UBAP1: variants seen among roughly 807,000 people sequenced by gnomAD.
UBAP1 encodes ubiquitin-associated protein 1.
In UBAP1, 5 loss-of-function variants were observed where a neutral mutation model predicts 39.0. The ratio of observed to expected loss-of-function variants is 0.13; its 90% confidence interval spans 0.07 to 0.27. UBAP1 has a LOEUF of 0.27. Among genes scored for constraint, UBAP1 ranks in the 10% least tolerant of loss-of-function variants. The pLI is 1.00. For missense variants in UBAP1, 490 were observed against 608.1 expected (o/e 0.81, Z 2.04); for synonymous variants, 211 against 225.1 (o/e 0.94, Z 0.56).
chr9:34,196,133 TTTTA>T (rs571397744), intron 1 of UBAP1, among the ~76,000 whole-genome samples: 3 of 150,562 alleles, frequency 2.0e-5, no homozygotes, highest in African/African-American at 2.4e-5. Flanking sequence ...GCTGCTGGCT[TTTTA>T]TTTATTTATT....
At chr9:34,224,155 T>C (rs1272895277) in intron 2 of UBAP1, 3 of 666,814 alleles carry the variant, frequency 4.5e-6, no homozygotes, top group Non-Finnish European at 7.4e-6. Flanking sequence ...CCTTTTTTTT[T>C]CCTTTCATCG....
chr9:34,251,564 C>T lies in UBAP1; in HGVS notation c.*32C>T, dbSNP rs1323644412. On this transcript the variant is annotated 3_prime_UTR_variant, in exon 7 of 7. Transcript: ENST00000297661. ...GCCCTGCCTAGGCCCTGCCGCAGAA[C>T]CACCATCCCTGGGAGGCCCTGCAGA... 6.2e-7 allele frequency: 1 copy of T among 1,607,910 alleles called. No individual in the cohort carries two copies. The highest frequency in any genetic ancestry group is 8.5e-7 in the Non-Finnish European group (1 of 1,177,278).
chr9:34,215,617 C>T (rs144537135), intron 1 of UBAP1, among the ~76,000 whole-genome samples: 1,605 of 151,892 alleles, frequency 0.011, 25 homozygotes, highest in African/African-American at 0.036. Context: ...ACCGAAATCT[C>T]ACAAATCACC....
At chr9:34,231,127 A>ATGTGTGGTGTGTG (rs1410985520) in intron 2 of UBAP1, among the ~76,000 whole-genome samples, 12 of 137,026 alleles carry the variant, frequency 8.8e-5, no homozygotes, top group African/African-American at 2.8e-4. Flanking sequence ...TAAAAAAATT[A>ATGTGTGGTGTGTG]TGTGTGTGTG....
At chr9:34,224,462 C>T (rs1335394874) in intron 2 of UBAP1, 17 of 388,664 alleles carry the variant, frequency 4.4e-5, no homozygotes, top group South Asian at 2.8e-4. Context: ...CCTTAGGGCA[C>T]GGTATTTCTT....
intron 1 of UBAP1, among the ~76,000 whole-genome samples, chr9:34,185,778 G>A (rs745951853): frequency 6.6e-6 from 1 of 151,352 alleles, no homozygotes; most frequent in African/African-American, 2.4e-5. Flanking sequence ...CCTGGGAGGC[G>A]GTGGTGGCAG....
chr9:34,224,190 AT>A, intron 2 of UBAP1: 4 of 546,630 alleles, frequency 7.3e-6, no homozygotes, highest in Non-Finnish European at 1.3e-5. Flanking sequence ...TTTTTAGATC[AT>A]TTTTTGTTTA....
intron 1 of UBAP1, among the ~76,000 whole-genome samples, chr9:34,216,499 A>T (rs1832324082): frequency 6.6e-6 from 1 of 151,358 alleles, no homozygotes; most frequent in African/African-American, 2.4e-5. Context: ...TTTATTTTAA[A>T]TTTTTTTTAG....
At chr9:34,207,660 T>TA (rs1831787344) in intron 1 of UBAP1, among the ~76,000 whole-genome samples, 1 of 131,902 alleles carries the variant, frequency 7.6e-6, no homozygotes, top group Non-Finnish European at 1.8e-5. Flanking sequence ...TTTATTTATT[T>TA]CTTTTTTTTT....
intron 1 of UBAP1, among the ~76,000 whole-genome samples, chr9:34,198,499 A>C (rs1269833001): frequency 6.6e-6 from 1 of 152,142 alleles, no homozygotes; most frequent in African/African-American, 2.4e-5. Context: ...GTCAGACTGG[A>C]TCACTGGCAC....
At chr9:34,179,921 C>T (rs1232106499) in intron 1 of UBAP1, among the ~76,000 whole-genome samples, 1 of 152,126 alleles carries the variant, frequency 6.6e-6, no homozygotes, top group South Asian at 2.1e-4. Flanking sequence ...AGACTAGCGT[C>T]TTAAAAGTAT....
rs148974583 is a variant in UBAP1 at position 34,241,412 on chromosome 9, C to A, written c.387C>A (p.Ile129=). Residue 129 remains isoleucine, a synonymous_variant, in exon 4 of 7, where the codon ATC becomes ATA. Coordinates refer to ENST00000297661, the MANE Select transcript of UBAP1 (RefSeq NM_016525.5). ...TCGCCAGCTTGCAGCACAACAGCAT[C>A]CTCACACCAACTCGGGTCAGCAGTA... ...PILASLQHNS[I]LTPTRVSSSA... is the part of the protein sequence containing the mutation. The A allele has an allele frequency of 4.4e-6, 7 of 1,582,576 alleles. No individual in the cohort carries two copies. Among genetic ancestry groups the A allele is most frequent in the Middle Eastern group, 1.7e-4 (1 of 5,898 alleles).
rs985187281 is a variant in UBAP1 at position 34,250,966 on chromosome 9, G to C, written c.1368+207G>C. 3 of 573,534 alleles carry C rather than the reference G, an allele frequency of 5.2e-6. No homozygotes were observed. In the African/African-American group the frequency reaches 5.6e-5, roughly 11 times the overall value. The allele number at this position is 573,534 out of a possible 1,614,324, so 35.5% of individuals were successfully genotyped here. On this transcript the variant is annotated intron_variant, in intron 6 of 6. Coordinates refer to ENST00000297661, the MANE Select transcript of UBAP1 (RefSeq NM_016525.5). ...TTGAAGCATTGGGTTGAAAACTTCA[G>C]AATCCCAGTGAAGGGAAGGGAATAT... is the stretch of plus-strand genomic sequence containing the variant.
intron 6 of UBAP1, among the ~76,000 whole-genome samples, chr9:34,251,038 T>A (rs973100091): frequency 3.3e-5 from 5 of 152,156 alleles, no homozygotes; most frequent in African/African-American, 1.2e-4. Context: ...GGGAGGGAGA[T>A]TGCTGGACTT....
chr9:34,219,213 C>G (rs899374901), intron 1 of UBAP1, among the ~76,000 whole-genome samples: 1 of 151,990 alleles, frequency 6.6e-6, no homozygotes, highest in Non-Finnish European at 1.5e-5. Flanking sequence ...CTCAGCCTCC[C>G]GAGTAGCAGG....
intron 1 of UBAP1, among the ~76,000 whole-genome samples, chr9:34,184,858 G>A (rs1427925298): frequency 2.7e-5 from 4 of 150,870 alleles, no homozygotes; most frequent in African/African-American, 9.7e-5. Flanking sequence ...TCTTGACCTC[G>A]TGATCCTCCC....
At chr9:34,230,230 A>T (rs900035003) in intron 2 of UBAP1, among the ~76,000 whole-genome samples, 5 of 146,004 alleles carry the variant, frequency 3.4e-5, no homozygotes, top group South Asian at 4.4e-4. Context: ...TGCCCAGCTA[A>T]TTTTTTTGTA....
At chr9:34,179,017 G>A (rs537270976), upstream of UBAP1, 2 of 1,257,766 alleles carry the variant, frequency 1.6e-6, no homozygotes, top group Non-Finnish European at 2.0e-6. Flanking sequence ...ACGCCCAAAT[G>A]AGTGGGGCGG....
chr9:34,202,624 C>CCTGTGTGT (rs1491103579), intron 1 of UBAP1, among the ~76,000 whole-genome samples: 1,737 of 107,156 alleles, frequency 0.016, 180 homozygotes, highest in East Asian at 0.031. Context: ...TAGACAGAAA[C>CCTGTGTGT]GTGTGTGTGT....
Sources: allele counts gnomAD v4.1 joint callset (sites outside exome capture counted in the v4.1 genomes callset), GRCh38; gene constraint gnomAD v4.1.1; transcripts MANE v1.5; gene names NCBI Gene and HGNC (gene_info 2026-07-23, HGNC 2026-07-21).